TDRD3: variants seen among roughly 807,000 people sequenced by gnomAD.
TDRD3 encodes tudor domain containing 3.
In TDRD3, 45 loss-of-function variants were observed where a neutral mutation model predicts 86.7. The ratio of observed to expected loss-of-function variants is 0.52; its 90% CI spans 0.41 to 0.67. The LOEUF is 0.67. TDRD3 is among the 30% of genes least tolerant of loss of function. The pLI, the probability that TDRD3 is intolerant of heterozygous loss-of-function variation, is 0.00. For synonymous variants in TDRD3, 298 were observed against 301.7 expected, an observed-to-expected ratio of 0.99 and a Z score of 0.13; for missense variants, 814 against 889.0, an observed-to-expected ratio of 0.92 and a Z score of 1.07.
intron 10 of TDRD3, among the ~76,000 whole-genome samples, chr13:60,515,269 G>A (rs185830735): frequency 2.6e-5 from 4 of 152,156 alleles, no homozygotes; most frequent in Admixed American, 2.6e-4. Context: ...GTTTCGAATG[G>A]CTACTAAATA....
chr13:60,535,658 C>CT (rs1393880379), intron 12 of TDRD3: 2 of 154,184 alleles, frequency 1.3e-5, no homozygotes, highest in Non-Finnish European at 2.9e-5. Context: ...AAAAAAAACA[C>CT]TTTAAGTTAT....
At chr13:60,567,712 T>C (rs1009894473) in intron 13 of TDRD3, 62 bp downstream of exon 13, 5 of 1,583,670 alleles carry the variant, frequency 3.2e-6, no homozygotes, top group Non-Finnish European at 4.3e-6. Flanking sequence ...GTTAAGCATA[T>C]AAGTCCAATT....
chr13:60,404,611 T>C (rs1954189581), intron 1 of TDRD3, among the ~76,000 whole-genome samples: 1 of 152,000 alleles, frequency 6.6e-6, no homozygotes, highest in Admixed American at 6.5e-5. Context: ...CGCCCGGCCC[T>C]GTTTGCTTTT....
chr13:60,510,612 T>C lies in TDRD3; in HGVS notation c.1016-18T>C. On this transcript the variant is annotated intron_variant, in intron 9 of 13. Coordinates refer to ENST00000377881, the MANE Select transcript of TDRD3 (RefSeq NM_001146070.2). ...TTTTTGCATATACAGTACATATTTCTTGCTTTTGCATCTAAAGGTAGAGGA... is the reference window on the plus strand; with the variant it reads ...TTTTTGCATATACAGTACATATTTCCTGCTTTTGCATCTAAAGGTAGAGGA... The C allele has an allele frequency of 6.3e-7, 1 of 1,581,440 alleles. No individual in the cohort carries two copies. Among genetic ancestry groups the C allele is most frequent in the Non-Finnish European group, 8.6e-7 (1 of 1,167,082 alleles).
rs576582621 is a variant in TDRD3 at position 60,562,922 on chromosome 13, A to AG, written c.2119-4601dup. On this transcript the variant is annotated intron_variant, in intron 12 of 13. Transcript: ENST00000377881. ...AAGTTATGACTTGGGAAAATGCTGA[A>AG]GGAATGGTAATATAAGATAAAGTGG... Among the ~76,000 whole-genome samples the AG allele has an allele frequency of 3.1e-4, 47 of 152,250 alleles. No individual in the cohort carries two copies. The East Asian group carries it at 8.5e-3, about 28-fold the overall frequency.
At chr13:60,549,228 CAA>C (rs1957994158) in intron 12 of TDRD3, among the ~76,000 whole-genome samples, 1 of 152,002 alleles carries the variant, frequency 6.6e-6, no homozygotes, top group East Asian at 1.9e-4. Context: ...TAAAAGGAAA[CAA>C]AATGAAAATA....
intron 3 of TDRD3, among the ~76,000 whole-genome samples, chr13:60,450,960 TACACACAC>T (rs1955525310): frequency 6.6e-6 from 1 of 151,950 alleles, no homozygotes; most frequent in Non-Finnish European, 1.5e-5. Flanking sequence ...CATACACACA[TACACACAC>T]AGATCACGCA....
chr13:60,513,272 C>T (rs144949686), intron 10 of TDRD3, among the ~76,000 whole-genome samples: 2 of 152,304 alleles, frequency 1.3e-5, no homozygotes, highest in Non-Finnish European at 2.9e-5. Flanking sequence ...AGCATGGGGA[C>T]CCTGGGCCCA....
intron 4 of TDRD3, among the ~76,000 whole-genome samples, chr13:60,464,588 A>T (rs1188438266): frequency 6.6e-6 from 1 of 151,662 alleles, no homozygotes; most frequent in African/African-American, 2.4e-5. Context: ...ACACACATAC[A>T]CACACACACA....
intron 1 of TDRD3, among the ~76,000 whole-genome samples, chr13:60,435,401 C>A (rs1264370947): frequency 6.6e-6 from 1 of 152,118 alleles, no homozygotes; most frequent in Non-Finnish European, 1.5e-5. Flanking sequence ...AATATGTAGT[C>A]TTTTATCCCT....
chr13:60,407,982 T>C (rs1954273126), intron 1 of TDRD3, among the ~76,000 whole-genome samples: 1 of 152,200 alleles, frequency 6.6e-6, no homozygotes, highest in African/African-American at 2.4e-5. Context: ...GATGGGTTTT[T>C]CAGGGGTTTC....
At chr13:60,489,432 G>A (rs1435549741) in intron 7 of TDRD3, among the ~76,000 whole-genome samples, 4 of 152,204 alleles carry the variant, frequency 2.6e-5, no homozygotes, top group South Asian at 2.1e-4. Flanking sequence ...TGTTCTTCCC[G>A]CAATGTCTTT....
At chr13:60,450,680 G>C (rs1184999380) in intron 3 of TDRD3, among the ~76,000 whole-genome samples, 2 of 152,122 alleles carry the variant, frequency 1.3e-5, no homozygotes, top group East Asian at 3.9e-4. Context: ...TGTGCCAAGA[G>C]ATAGGGATGT....
intron 10 of TDRD3, among the ~76,000 whole-genome samples, chr13:60,525,746 G>C (rs1957414874): frequency 1.3e-5 from 2 of 152,068 alleles, no homozygotes; most frequent in African/African-American, 4.8e-5. Context: ...TCTTTTCTAA[G>C]ATAGTACTTT....
At chr13:60,501,774 A>G (rs993367023) in intron 8 of TDRD3, among the ~76,000 whole-genome samples, 1 of 152,196 alleles carries the variant, frequency 6.6e-6, no homozygotes, top group African/African-American at 2.4e-5. Flanking sequence ...CTTACTATAC[A>G]AGATCCTTTC....
At chr13:60,510,468 T>A (rs1957031628) in intron 9 of TDRD3, among the ~76,000 whole-genome samples, 162 bp from the exon 10 acceptor site, 1 of 152,120 alleles carries the variant, frequency 6.6e-6, no homozygotes, top group Admixed American at 6.6e-5. Context: ...TTAATATAAT[T>A]ACTTAAAAAC....
chr13:60,526,557 T>C (rs1718527401), intron 10 of TDRD3, among the ~76,000 whole-genome samples: 1 of 151,946 alleles, frequency 6.6e-6, no homozygotes, highest in Admixed American at 6.6e-5. Context: ...TAATATTGAC[T>C]GCATTTGTTA....
intron 12 of TDRD3, among the ~76,000 whole-genome samples, chr13:60,546,799 A>G (rs1957949368): frequency 1.3e-5 from 2 of 152,162 alleles, no homozygotes; most frequent in Non-Finnish European, 2.9e-5. Flanking sequence ...CTTAATAAAA[A>G]CTTACACTCT....
At position 60,466,980 on chromosome 13, in the gene TDRD3, T is replaced by G. The variant is rs577525804; in HGVS notation, c.354-258T>G. 2.6e-5 allele frequency among the ~76,000 whole-genome samples: 4 copies of G among 152,044 alleles called. No homozygotes were observed. In the East Asian group the frequency reaches 7.7e-4, roughly 29 times the overall value. The stretch of plus-strand genomic sequence containing the variant: ...GAGCTTCAAATGTGTGTGTGTTTTT[T>G]TGTTTTTTTGTTTTAAGTTTCAGGG... On this transcript the variant is annotated intron_variant, in intron 4 of 13. Transcript: ENST00000377881.
Sources: allele counts gnomAD v4.1 joint callset (sites outside exome capture counted in the v4.1 genomes callset), GRCh38; gene constraint gnomAD v4.1.1; transcripts MANE v1.5; gene names NCBI Gene and HGNC (gene_info 2026-07-23, HGNC 2026-07-21).